The following POGZ variants were observed in gnomAD, a reference collection of about 807,000 sequenced individuals.
The protein encoded by POGZ is pogo transposable element with ZNF domain.
In POGZ, 17 loss-of-function variants were observed where a neutral mutation model predicts 134.6. That is an observed-to-expected ratio of 0.13 (90% CI 0.09 to 0.19). The LOEUF is 0.19. Among genes scored for constraint, POGZ ranks in the 10% least tolerant of loss-of-function variants. The probability of loss-of-function intolerance (pLI) is 1.00; values close to 1 mark genes in which losing one functional copy is unlikely to be tolerated. For synonymous variants in POGZ, 693 were observed against 657.1 expected, an observed-to-expected ratio of 1.05 and a Z score of -0.84; for missense variants, 1,306 against 1,769.7, an observed-to-expected ratio of 0.74 and a Z score of 4.70.
At chr1:151,417,087 C>T (rs1322531459) in intron 10 of POGZ, among the ~76,000 whole-genome samples, 5 of 148,358 alleles carry the variant, frequency 3.4e-5, no homozygotes, top group South Asian at 2.1e-4. Flanking sequence ...TTTTTTGAGA[C>T]GGAGTCTTGC....
At position 151,453,438 on chromosome 1, in the gene POGZ, C is replaced by CT. The variant is rs576927836; in HGVS notation, c.-2+5713dup. On this transcript the variant is annotated intron_variant, in intron 1 of 18. Coordinates refer to ENST00000271715, the MANE Select transcript of POGZ (RefSeq NM_015100.4). ...ATGTAGCTTGTATATATACATTTCT[C>CT]TTTTTTTATTTTTATGCATCCATTT... Among the ~76,000 whole-genome samples the CT allele has an allele frequency of 2.8e-3, 427 of 150,974 alleles. 5 individuals are homozygous for CT. Among genetic ancestry groups the CT allele is most frequent in the African/African-American group, 9.5e-3 (394 of 41,482 alleles).
intron 10 of POGZ, among the ~76,000 whole-genome samples, chr1:151,422,545 T>C (rs1002028588): frequency 6.6e-6 from 1 of 152,218 alleles, no homozygotes; most frequent in African/African-American, 2.4e-5. Flanking sequence ...CAGCTTACCT[T>C]ATATTTCACT....
intron 7 of POGZ, 156 bp from the exon 8 acceptor site, chr1:151,425,217 T>C (rs1657569090): frequency 3.9e-6 from 2 of 512,966 alleles, no homozygotes; most frequent in Non-Finnish European, 7.3e-6. Flanking sequence ...TTGTTTTTTT[T>C]GAGACACGGT....
intron 1 of POGZ, among the ~76,000 whole-genome samples, chr1:151,447,225 A>G (rs886775705): frequency 5.3e-5 from 8 of 151,978 alleles, no homozygotes; most frequent in Non-Finnish European, 7.4e-5. Context: ...GTCTCTACTA[A>G]AAATACAAAA....
At chr1:151,447,211 C>G (rs1405607154) in intron 1 of POGZ, among the ~76,000 whole-genome samples, 1 of 151,892 alleles carries the variant, frequency 6.6e-6, no homozygotes, top group African/African-American at 2.4e-5. Context: ...CACGGTGAAA[C>G]CCTGTCTCTA....
intron 1 of POGZ, chr1:151,450,790 T>C (rs1397262520): frequency 6.7e-6 from 1 of 149,430 alleles, no homozygotes; most frequent in African/African-American, 2.6e-5. Context: ...AGTGACAAAA[T>C]GGAAACCTAT....
chr1:151,411,796 A>G (rs1654724732), intron 11 of POGZ, 25 bp from the exon 12 acceptor site: 1 of 1,597,016 alleles, frequency 6.3e-7, no homozygotes, highest in South Asian at 1.1e-5. Context: ...AGGGAAAATA[A>G]GGCTAAGAAT....
Position 151,406,811 on chromosome 1 carries a change from G to A in POGZ, c.2545+100C>T, listed in dbSNP as rs548487322. On this transcript the variant is annotated intron_variant, in intron 17 of 18. Coordinates refer to ENST00000271715, the MANE Select transcript of POGZ (RefSeq NM_015100.4). ...ATTAGGTCCAGCACATCTCAACAGT[G>A]AATGAGTGAGGCCAAGTAGGTATGC... 4.9e-6 allele frequency: 5 copies of A among 1,010,210 alleles called. No homozygotes were observed. In the Admixed American group the frequency reaches 5.9e-5, roughly 12 times the overall value. The allele number at this position is 1,010,210 out of a possible 1,614,324, so 62.6% of individuals were successfully genotyped here.
intron 5 of POGZ, 52 bp downstream of exon 5, chr1:151,429,551 A>T: frequency 1.1e-6 from 1 of 910,700 alleles, no homozygotes; most frequent in Non-Finnish European, 1.8e-6. Context: ...AACAATAAAA[A>T]CAAATCTTCT....
At chr1:151,413,483 GAGAGAGATT>G (rs1350443356) in intron 10 of POGZ, among the ~76,000 whole-genome samples, 1 of 152,002 alleles carries the variant, frequency 6.6e-6, no homozygotes, top group Admixed American at 6.6e-5. Flanking sequence ...ATGGCAAAAA[GAGAGAGATT>G]ATTTACATTT....
chr1:151,435,571 C>T, intron 3 of POGZ, among the ~76,000 whole-genome samples: 1 of 151,492 alleles, frequency 6.6e-6, no homozygotes, highest in East Asian at 1.9e-4. Flanking sequence ...CAGCTCACTG[C>T]AACCTCCACC....
intron 3 of POGZ, among the ~76,000 whole-genome samples, chr1:151,437,252 G>A (rs1244675230): frequency 2.6e-5 from 4 of 151,106 alleles, no homozygotes; most frequent in Admixed American, 2.0e-4. Flanking sequence ...CCAGTTTGTG[G>A]TTTGTCTTCT....
At position 151,427,805 on chromosome 1, in the gene POGZ, T is replaced by C. The variant is rs367935666; in HGVS notation, c.1078+18A>G. On this transcript the variant is annotated intron_variant, in intron 7 of 18. Coordinates refer to ENST00000271715, the MANE Select transcript of POGZ (RefSeq NM_015100.4). The stretch of plus-strand genomic sequence containing the variant: ...TTTTTGAATGACTGGCTGCTCAGAG[T>C]CTTTCAGGTTATTGTACCTTTCATT... The C allele has an allele frequency of 3.3e-6, 5 of 1,520,522 alleles. No individual in the cohort carries two copies. The highest frequency in any genetic ancestry group is 4.6e-6 in the Non-Finnish European group (5 of 1,095,500). The allele number at this position is 1,520,522 out of a possible 1,614,324, so 94.2% of individuals were successfully genotyped here.
intron 3 of POGZ, among the ~76,000 whole-genome samples, chr1:151,438,783 T>C (rs563526744): frequency 3.3e-5 from 5 of 151,774 alleles, no homozygotes; most frequent in Non-Finnish European, 7.4e-5. Flanking sequence ...GGGGCTGAGA[T>C]GGCAGGATTG....
intron 3 of POGZ, among the ~76,000 whole-genome samples, chr1:151,436,908 C>T (rs1386526101): frequency 6.6e-6 from 1 of 151,964 alleles, no homozygotes; most frequent in African/African-American, 2.4e-5. Context: ...TTTAACTTTT[C>T]GAGGGCCAGG....
intron 10 of POGZ, among the ~76,000 whole-genome samples, chr1:151,419,952 C>G (rs556602696): frequency 1.3e-5 from 2 of 151,992 alleles, no homozygotes; most frequent in South Asian, 4.2e-4. Context: ...CAAAACCCAC[C>G]CCCCATATTA....
At chr1:151,435,244 GA>G (rs1426886421) in intron 3 of POGZ, among the ~76,000 whole-genome samples, 1 of 152,018 alleles carries the variant, frequency 6.6e-6, no homozygotes, top group Non-Finnish European at 1.5e-5. Flanking sequence ...TTAAAGCCCA[GA>G]AATAGAGGGC....
intron 1 of POGZ, among the ~76,000 whole-genome samples, chr1:151,446,173 C>T (rs1661230434): frequency 5.0e-5 from 1 of 19,892 alleles, no homozygotes; most frequent in Non-Finnish European, 2.1e-4. Context: ...TGAAAATGTG[C>T]CCTCAAAAAA....
intron 1 of POGZ, among the ~76,000 whole-genome samples, chr1:151,456,512 T>G (rs1232850217): frequency 6.6e-6 from 1 of 152,210 alleles, no homozygotes; most frequent in Admixed American, 6.5e-5. Context: ...CTCCATGAAA[T>G]AAGCCATTCA....
Sources: gnomAD v4.1 joint callset for allele counts (sites outside exome capture counted in the v4.1 genomes callset) on GRCh38, gnomAD v4.1.1 for gene constraint, MANE v1.5 for transcripts, NCBI Gene and HGNC (gene_info 2026-07-23, HGNC 2026-07-21) for gene names.